ANKRD45: variants seen among roughly 807,000 people sequenced by gnomAD.
The protein encoded by ANKRD45 is ankyrin repeat domain-containing protein 45.
ANKRD45 carries 21 observed loss-of-function variants against 28.1 expected under a neutral mutation model. The observed-to-expected ratio is 0.75, with a 90% CI of 0.53 to 1.08. ANKRD45 has a LOEUF of 1.08. Ranked by LOEUF, ANKRD45 falls within the 50% of genes least tolerant of loss-of-function variation. The pLI is 0.00. For synonymous variants in ANKRD45, 86 were observed against 103.9 expected, an observed-to-expected ratio of 0.83 and a Z score of 1.05; for missense variants, 261 against 308.7, an observed-to-expected ratio of 0.85 and a Z score of 1.16.
chr1:173,714,294 A>G, the ANKRD45 span, among the ~76,000 whole-genome samples: 8 of 152,318 alleles, frequency 5.3e-5, no homozygotes, highest in African/African-American at 1.4e-4. Context: ...AATTTTAAAA[A>G]TATACTTTTT....
At chr1:173,620,152 G>T (rs531154420) in intron 5 of ANKRD45, among the ~76,000 whole-genome samples, 1 of 152,122 alleles carries the variant, frequency 6.6e-6, no homozygotes, top group African/African-American at 2.4e-5. Flanking sequence ...CAGAATATAC[G>T]TTCTTCTCAT....
At chr1:173,644,156 G>A (rs1295966909) in intron 3 of ANKRD45, among the ~76,000 whole-genome samples, 4 of 152,092 alleles carry the variant, frequency 2.6e-5, no homozygotes, top group Non-Finnish European at 4.4e-5. Flanking sequence ...AGACTATTTG[G>A]GGTAGGGATT....
In ANKRD45 at chr1:173,624,795, G is replaced by A. The variant is rs773217523; in HGVS notation, c.722C>T (p.Thr241Ile). The change falls in exon 5 of 6, where the codon ACT (threonine) becomes ATT (isoleucine). Residue 241 changes from threonine to isoleucine, a missense_variant. By Grantham distance (89) the Thr-to-Ile change is moderately conservative. Coordinates refer to ENST00000333279, the MANE Select transcript of ANKRD45 (RefSeq NM_198493.3). ...TTTTATCCAAAACTTACATGGTGTA[G>A]TCATTTTTGTGAAGATAGGAGTCAC... is the stretch of plus-strand genomic sequence containing the variant. ...DIVTPIFTKM[T>I]TPCQVKSAKS... The A allele has an allele frequency of 8.7e-6, 14 of 1,613,218 alleles. No homozygotes were observed. The highest frequency in any genetic ancestry group is 1.2e-5 in the Non-Finnish European group (14 of 1,179,648).
At chr1:173,613,432 C>G (rs1191551703) in intron 5 of ANKRD45, among the ~76,000 whole-genome samples, 1 of 151,566 alleles carries the variant, frequency 6.6e-6, no homozygotes, top group East Asian at 1.9e-4. Flanking sequence ...CATCTCCGCC[C>G]GGCAGCCGCC....
At chr1:173,622,940 T>C (rs941140261) in intron 5 of ANKRD45, among the ~76,000 whole-genome samples, 4 of 151,738 alleles carry the variant, frequency 2.6e-5, no homozygotes, top group African/African-American at 7.3e-5. Context: ...AAGGAACTTA[T>C]ACAAACATAC....
intron 3 of ANKRD45, among the ~76,000 whole-genome samples, chr1:173,645,218 T>C (rs1668871617): frequency 1.3e-5 from 2 of 152,196 alleles, no homozygotes; most frequent in African/African-American, 4.8e-5. Flanking sequence ...TCTTCCCAAA[T>C]GTGTTTCCTT....
At chr1:173,623,068 C>T (rs1667773640) in intron 5 of ANKRD45, among the ~76,000 whole-genome samples, 1 of 151,002 alleles carries the variant, frequency 6.6e-6, no homozygotes, top group South Asian at 2.1e-4. Context: ...GTAATCTCAG[C>T]AATTTGGGAG....
chr1:173,685,346 G>A, the ANKRD45 span, among the ~76,000 whole-genome samples: 1 of 152,222 alleles, frequency 6.6e-6, no homozygotes, highest in African/African-American at 2.4e-5. Flanking sequence ...CTCGGGGGCT[G>A]ACCCACAGGG....
At chr1:173,641,943 T>C (rs2102351098) in intron 3 of ANKRD45, among the ~76,000 whole-genome samples, 1 of 152,308 alleles carries the variant, frequency 6.6e-6, no homozygotes, top group Admixed American at 6.5e-5. Context: ...ATCGAAGGGA[T>C]AGCTGAGCAA....
At chr1:173,613,236 G>C (rs1310162737) in intron 5 of ANKRD45, among the ~76,000 whole-genome samples, 1 of 151,288 alleles carries the variant, frequency 6.6e-6, no homozygotes, top group African/African-American at 2.4e-5. Context: ...ACCTCTGCCC[G>C]GCCGCGACCC....
At chr1:173,691,101 C>T in the ANKRD45 span, among the ~76,000 whole-genome samples, 2 of 152,230 alleles carry the variant, frequency 1.3e-5, no homozygotes, top group African/African-American at 2.4e-5. Context: ...CCACCCCCCA[C>T]GGCTTTCTTA....
At chr1:173,685,757 G>T in the ANKRD45 span, among the ~76,000 whole-genome samples, 1 of 152,094 alleles carries the variant, frequency 6.6e-6, no homozygotes, top group Non-Finnish European at 1.5e-5. Flanking sequence ...GCATTTCAAA[G>T]AATCTAATAG....
intron 2 of ANKRD45, among the ~76,000 whole-genome samples, chr1:173,648,896 A>T (rs1247736314): frequency 1.3e-5 from 2 of 152,176 alleles, no homozygotes; most frequent in Admixed American, 6.5e-5. Flanking sequence ...TAGCACAGAA[A>T]GGTTATATAA....
intron 2 of ANKRD45, among the ~76,000 whole-genome samples, chr1:173,655,900 C>T (rs1431981581): frequency 6.6e-6 from 1 of 152,240 alleles, no homozygotes; most frequent in South Asian, 2.1e-4. Flanking sequence ...GGGCATGGGA[C>T]CCGCCAAGCC....
At chr1:173,619,625 C>T (rs1437589748) in intron 5 of ANKRD45, among the ~76,000 whole-genome samples, 2 of 152,002 alleles carry the variant, frequency 1.3e-5, no homozygotes, top group African/African-American at 2.4e-5. Flanking sequence ...GTCAGGAGTT[C>T]GAGACCAGCC....
intron 1 of ANKRD45, among the ~76,000 whole-genome samples, chr1:173,665,339 CTCT>C (rs1236467197): frequency 1.3e-5 from 2 of 152,126 alleles, no homozygotes; most frequent in Admixed American, 6.5e-5. Flanking sequence ...CCACACCCAG[CTCT>C]TCTTCTTTTT....
At chr1:173,667,212 A>G (rs866099641) in intron 1 of ANKRD45, among the ~76,000 whole-genome samples, 10 of 152,180 alleles carry the variant, frequency 6.6e-5, no homozygotes, top group African/African-American at 2.4e-4. Flanking sequence ...ATGAAGCAAC[A>G]TTTTGCTTGA....
At chr1:173,616,052 G>A (rs922664891) in intron 5 of ANKRD45, among the ~76,000 whole-genome samples, 2 of 151,418 alleles carry the variant, frequency 1.3e-5, no homozygotes, top group South Asian at 2.1e-4. Flanking sequence ...GCAGTAAGCC[G>A]AGATCATGCC....
At chr1:173,638,252 T>C (rs916571325) in intron 3 of ANKRD45, among the ~76,000 whole-genome samples, 10 of 152,010 alleles carry the variant, frequency 6.6e-5, no homozygotes, top group African/African-American at 2.4e-4. Context: ...GTGTGAGAGA[T>C]TGAGCCTTTC....
Sources: gnomAD v4.1 joint callset for allele counts (sites outside exome capture counted in the v4.1 genomes callset) on GRCh38, gnomAD v4.1.1 for gene constraint, MANE v1.5 for transcripts, NCBI Gene and HGNC (gene_info 2026-07-23, HGNC 2026-07-21) for gene names.